The following POLR1A variants were observed in gnomAD, a reference collection of about 807,000 sequenced individuals.
POLR1A encodes DNA-directed RNA polymerase I subunit RPA1.
Under a neutral mutation model 205.3 loss-of-function variants are expected in POLR1A, and 84 were observed. The observed-to-expected ratio is 0.41, with a 90% confidence interval of 0.34 to 0.49. The LOEUF (loss-of-function observed/expected upper bound fraction) is 0.49, where lower values mean the gene tolerates loss of function less well. POLR1A is among the 20% of genes least tolerant of loss of function. POLR1A has a pLI of 0.22. For synonymous variants in POLR1A, 799 were observed against 863.7 expected (o/e 0.93, Z 1.31); for missense variants, 1,645 against 2,204.5 (o/e 0.75, Z 5.08).
Position 86,028,453 on chromosome 2 carries a change from C to CA in POLR1A, c.4897+140dup, listed in dbSNP as rs1462004216. 2 of 699,060 alleles carry CA rather than the reference C, an allele frequency of 2.9e-6. No individual in the cohort carries two copies. The highest frequency in any genetic ancestry group is 5.3e-6 in the Non-Finnish European group (2 of 378,588). The allele number at this position is 699,060 out of a possible 1,614,324, so 43.3% of individuals were successfully genotyped here. On this transcript the variant is annotated intron_variant, in intron 32 of 33. Transcript: ENST00000263857. The surrounding 1 kb of genome is among the most constrained non-coding windows in gnomAD (Gnocchi z 4.5). ...ATCTGCAGTCTCCTACAGGTGCACTCACTGCACGCATGCTGCAGTGCCTGC... is the reference window on the plus strand; with the variant it reads ...ATCTGCAGTCTCCTACAGGTGCACTCAACTGCACGCATGCTGCAGTGCCTGC...
intron 1 of POLR1A, among the ~76,000 whole-genome samples, chr2:86,102,243 A>G (rs1004429847): frequency 6.6e-6 from 1 of 152,214 alleles, no homozygotes; most frequent in Non-Finnish European, 1.5e-5. Context: ...ACCATTTTAC[A>G]TTCACACTAA....
rs1360103691 is a variant in POLR1A at position 86,030,281 on chromosome 2, T to C, written c.4694A>G (p.Asn1565Ser). ...ATKGITRCLLNETTNNKNEKE... is the reference protein window; with the variant it reads ...ATKGITRCLLSETTNNKNEKE... ...CTCGTTCTTATTGTTGGTTGTTTCATTCAGGAGGCACCGAGTGATGCCCTT... is the reference window on the plus strand; with the variant it reads ...CTCGTTCTTATTGTTGGTTGTTTCACTCAGGAGGCACCGAGTGATGCCCTT... Residue 1565 changes from asparagine (N) to serine (S), a missense_variant, in exon 31 of 34, where the codon AAT becomes AGT. This residue lies in a region of POLR1A where 394 missense variants were observed against 468.5 expected (regional missense o/e 0.84). Coordinates refer to ENST00000263857, the MANE Select transcript of POLR1A (RefSeq NM_015425.6). 5 of 1,614,192 alleles carry C rather than the reference T, an allele frequency of 3.1e-6. No homozygotes were observed. Among genetic ancestry groups the C allele is most frequent in the Non-Finnish European group, 4.2e-6 (5 of 1,180,016 alleles).
At position 86,031,313 on chromosome 2, in the gene POLR1A, T is replaced by C. The variant is rs200647157; in HGVS notation, c.4578+17A>G. 22 of 1,531,566 alleles carry C rather than the reference T, an allele frequency of 1.4e-5. No homozygotes were observed. Among genetic ancestry groups the C allele is most frequent in the Non-Finnish European group, 1.8e-5 (21 of 1,137,752 alleles). The allele number at this position is 1,531,566 out of a possible 1,614,324, so 94.9% of individuals were successfully genotyped here. A position where few individuals can be genotyped will look rare whatever the true frequency, so the allele number is the denominator to read the frequency against. On this transcript the variant is annotated intron_variant, in intron 30 of 33. Coordinates refer to ENST00000263857, the MANE Select transcript of POLR1A (RefSeq NM_015425.6). ...TGGACCAACCACCCAAGCCCTGGCC[T>C]GCACGGCCACACTGACCTGGCACCA...
chr2:86,069,727 T>G (rs1242949874), intron 13 of POLR1A, among the ~76,000 whole-genome samples: 1 of 152,224 alleles, frequency 6.6e-6, no homozygotes, highest in Non-Finnish European at 1.5e-5. Context: ...AGAATCCAAA[T>G]TTAAGTGCTG....
chr2:86,040,097 T>C (rs1454822834), intron 25 of POLR1A: 1 of 285,936 alleles, frequency 3.5e-6, no homozygotes, highest in Non-Finnish European at 6.5e-6. Flanking sequence ...TTGTTAACAA[T>C]GTACGTTCCT....
At position 86,028,545 on chromosome 2, in the gene POLR1A, T is replaced by C. The variant is rs1467029404; in HGVS notation, c.4897+49A>G. 2 of 1,366,646 alleles carry C rather than the reference T, an allele frequency of 1.5e-6. No individual in the cohort carries two copies. Among genetic ancestry groups the C allele is most frequent in the South Asian group, 2.3e-5 (2 of 86,272 alleles). The allele number at this position is 1,366,646 out of a possible 1,614,324, so 84.7% of individuals were successfully genotyped here. A position where few individuals can be genotyped will look rare whatever the true frequency, so the allele number is the denominator to read the frequency against. ...GACCCTCCTGCCGAGCCTTCTGGTG[T>C]CCTGGCTGGTGCCCAGACCTCGGGG... On this transcript the variant is annotated intron_variant, in intron 32 of 33. Coordinates refer to ENST00000263857, the MANE Select transcript of POLR1A (RefSeq NM_015425.6). This position sits in a 1 kb window ranked among gnomAD's most constrained non-coding sequence, Gnocchi z 4.5.
chr2:86,048,393 G>A (rs1672743200), intron 18 of POLR1A, among the ~76,000 whole-genome samples: 1 of 152,196 alleles, frequency 6.6e-6, no homozygotes, highest in African/African-American at 2.4e-5. Context: ...CTGCAGCCCT[G>A]TGAGGTGGTG....
In POLR1A at chr2:86,081,696, C is replaced by T; in HGVS notation, c.828G>A (p.Leu276=). 1.2e-6 allele frequency: 2 copies of T among 1,603,436 alleles called. No individual in the cohort carries two copies. The change falls in exon 8 of 34, where the codon CTG becomes CTA. Residue 276 remains leucine (L), a synonymous_variant. Transcript: ENST00000263857. ...CATCCATTCCCGAAAAAAGGTAGTT[C>T]AGAAAGAATCCTGCGTTGGAAAGAA... ...SALWKNEGFF[L]NYLFSGMDDD... is the part of the protein sequence containing the mutation.
intron 1 of POLR1A, among the ~76,000 whole-genome samples, chr2:86,100,747 C>T (rs1179043239): frequency 1.3e-5 from 2 of 152,020 alleles, no homozygotes; most frequent in South Asian, 2.1e-4. Context: ...AGCCATGTTA[C>T]CCAGGCTGGT....
chr2:86,100,394 A>G (rs1007389055), intron 1 of POLR1A, among the ~76,000 whole-genome samples: 3 of 152,218 alleles, frequency 2.0e-5, no homozygotes, highest in Admixed American at 2.0e-4. Flanking sequence ...CATAAAATAC[A>G]TATGTGCTAA....
intron 6 of POLR1A, among the ~76,000 whole-genome samples, 166 bp downstream of exon 6, chr2:86,088,400 G>A (rs767357971): frequency 7.2e-5 from 11 of 152,186 alleles, no homozygotes; most frequent in African/African-American, 9.7e-5. Flanking sequence ...TGAGCTGGGC[G>A]CTTGCCAGGG....
chr2:86,075,393 T>G, intron 11 of POLR1A, 133 bp from the exon 12 acceptor site: 3 of 659,092 alleles, frequency 4.6e-6, no homozygotes, highest in Non-Finnish European at 8.0e-6. Flanking sequence ...AAGAAGGTCT[T>G]CCAGTGAGCA....
Position 86,085,026 on chromosome 2 carries a change from A to G in POLR1A, c.731-1858T>C, listed in dbSNP as rs533798051. Among the ~76,000 whole-genome samples the G allele has an allele frequency of 2.6e-5, 4 of 152,302 alleles. No homozygotes were observed. In the East Asian group the frequency reaches 5.8e-4, roughly 22 times the overall value. ...GACCAGGCTGGAGTGCAGTGGCACG[A>G]TCTTCGCTCACTGCAAGCTCTGCCT... On this transcript the variant is annotated intron_variant, in intron 6 of 33. Coordinates refer to ENST00000263857, the MANE Select transcript of POLR1A (RefSeq NM_015425.6).
At chr2:86,104,490 C>G (rs915458753) in intron 1 of POLR1A, among the ~76,000 whole-genome samples, 1 of 147,620 alleles carries the variant, frequency 6.8e-6, no homozygotes, top group African/African-American at 2.5e-5. Flanking sequence ...GCTCTGTCGC[C>G]AGGCTGGAGT....
chr2:86,084,041 C>A (rs1673451204), intron 6 of POLR1A, among the ~76,000 whole-genome samples: 1 of 152,154 alleles, frequency 6.6e-6, no homozygotes, highest in Non-Finnish European at 1.5e-5. Context: ...GAGGCCAAGG[C>A]AGGCAGATCA....
chr2:86,063,914 A>G (rs557548598), intron 14 of POLR1A, among the ~76,000 whole-genome samples: 55 of 152,334 alleles, frequency 3.6e-4, no homozygotes, highest in African/African-American at 1.3e-3. Context: ...TCTACTTCAG[A>G]ATGCTTTCTA....
intron 4 of POLR1A, 124 bp downstream of exon 4, chr2:86,089,698 A>G (rs1673566898): frequency 1.5e-6 from 1 of 664,340 alleles, no homozygotes; most frequent in East Asian, 2.6e-5. Context: ...CTCACAAGAG[A>G]CAGAGCTCAG....
chr2:86,056,403 G>A (rs1319855888), intron 14 of POLR1A, among the ~76,000 whole-genome samples: 3 of 151,516 alleles, frequency 2.0e-5, no homozygotes, highest in African/African-American at 7.3e-5. Context: ...AGTGAGCCGA[G>A]ATTGCGCCAC....
intron 6 of POLR1A, among the ~76,000 whole-genome samples, chr2:86,083,407 T>C (rs1673440630): frequency 6.6e-6 from 1 of 151,448 alleles, no homozygotes; most frequent in African/African-American, 2.4e-5. Flanking sequence ...AAAGAAAACA[T>C]TACCCATAAT....
Sources: gnomAD v4.1 joint callset for allele counts (sites outside exome capture counted in the v4.1 genomes callset) on GRCh38, gnomAD v4.1.1 for gene constraint, gnomAD v4.1.1 regional missense constraint, Gnocchi (gnomAD v3.1) non-coding constraint, MANE v1.5 for transcripts, NCBI Gene and HGNC (gene_info 2026-07-23, HGNC 2026-07-21) for gene names.